The following ZNF518A variants were observed in gnomAD, a reference collection of about 807,000 sequenced individuals.
ZNF518A encodes the protein zinc finger protein 518A.
ZNF518A carries 47 observed loss-of-function variants against 102.7 expected under a neutral mutation model. The observed-to-expected ratio is 0.46, with a 90% CI of 0.36 to 0.58. The LOEUF is 0.58. Among genes scored for constraint, ZNF518A ranks in the 20% least tolerant of loss-of-function variants. The pLI, the probability that ZNF518A is intolerant of heterozygous loss-of-function variation, is 0.00. For synonymous variants in ZNF518A, 652 were observed against 594.6 expected (o/e 1.10, Z -1.40); for missense variants, 1,793 against 1,699.8 (o/e 1.05, Z -0.96).
chr10:96,204,947 C>G (rs2083756640), downstream of ZNF518A: 1 of 349,308 alleles, frequency 2.9e-6, no homozygotes, highest in South Asian at 2.3e-5. Context: ...ACATTTTAGC[C>G]ACCCTCTAAA....
Position 96,160,290 on chromosome 10 carries a change from C to G in ZNF518A, c.3968C>G (p.Ser1323Cys). The change falls in exon 6 of 6, where the codon TCC becomes TGC. Residue 1323 changes from serine (S) to cysteine (C), a missense_variant. This residue lies in a region of ZNF518A where 1,741 missense variants were observed against 1,622.6 expected (regional missense o/e 1.07). Transcript: ENST00000316045. ...AGCAGACCTAGGCTTTCAAAAGATTCCATCAGAACTTTGCGGCTTTTCCCT... is the reference window on the plus strand; with the variant it reads ...AGCAGACCTAGGCTTTCAAAAGATTGCATCAGAACTTTGCGGCTTTTCCCT... ...GFSRPRLSKD[S>C]IRTLRLFPFS... The G allele has an allele frequency of 6.2e-7, 1 of 1,613,610 alleles. No homozygotes were observed. The highest frequency in any genetic ancestry group is 8.5e-7 in the Non-Finnish European group (1 of 1,179,682).
Position 96,162,684 on chromosome 10 carries a change from G to A in ZNF518A, c.*1910G>A, listed in dbSNP as rs2083044577. ...TGGTGTTTAAAGAATGGTAAGCATTGTTAATTTCTGTAATGAACATTTTCA... is the reference window on the plus strand; with the variant it reads ...TGGTGTTTAAAGAATGGTAAGCATTATTAATTTCTGTAATGAACATTTTCA... On this transcript the variant is annotated 3_prime_UTR_variant, in exon 6 of 6. Coordinates refer to ENST00000316045, the MANE Select transcript of ZNF518A (RefSeq NM_001330736.2). The A allele has an allele frequency of 6.0e-6, 1 of 165,850 alleles. No homozygotes were observed. Among genetic ancestry groups the A allele is most frequent in the South Asian group, 2.1e-4 (1 of 4,832 alleles). The allele number at this position is 165,850 out of a possible 1,614,324, so 10.3% of individuals were successfully genotyped here. A position where few individuals can be genotyped will look rare whatever the true frequency, so the allele number is the denominator to read the frequency against.
chr10:96,152,636 C>A (rs2082505302), intron 3 of ZNF518A, among the ~76,000 whole-genome samples: 1 of 152,168 alleles, frequency 6.6e-6, no homozygotes, highest in Non-Finnish European at 1.5e-5. Context: ...GTGTGAACAT[C>A]AGAGTGTACT....
At position 96,159,607 on chromosome 10, in the gene ZNF518A, T is replaced by A; in HGVS notation, c.3285T>A (p.Tyr1095Ter). 6.2e-7 allele frequency: 1 copy of A among 1,613,908 alleles called. No individual in the cohort carries two copies. Among genetic ancestry groups the A allele is most frequent in the Non-Finnish European group, 8.5e-7 (1 of 1,179,800 alleles). ...AGATTTTTCCAAAACCACCTCTTTA[T>A]ACCTTCTTGCCTGATGGCAAACAAG... is the stretch of plus-strand genomic sequence containing the variant. ...QNEIFPKPPL[Y>*]TFLPDGKQAV... Residue 1095 changes from tyrosine to a stop codon, truncating the protein, a stop_gained, in exon 6 of 6, where the codon TAT (tyrosine) becomes TAA (stop). Coordinates refer to ENST00000316045, the MANE Select transcript of ZNF518A (RefSeq NM_001330736.2). LOFTEE classifies it high-confidence loss of function.
chr10:96,146,909 G>A (rs1381713188), intron 3 of ZNF518A, among the ~76,000 whole-genome samples: 1 of 152,206 alleles, frequency 6.6e-6, no homozygotes, highest in Non-Finnish European at 1.5e-5. Flanking sequence ...CCCAGGAGAA[G>A]TTAAGGTAAC....
intron 1 of ZNF518A, among the ~76,000 whole-genome samples, chr10:96,180,148 G>T: frequency 6.8e-6 from 1 of 147,938 alleles, no homozygotes. Flanking sequence ...CCAAAATGCT[G>T]GGGTTACAGG....
rs1392296081 is a variant in ZNF518A at position 96,162,473 on chromosome 10, TAAAG to T, written c.*1704_*1707del. 1 of 166,984 alleles carries T rather than the reference TAAAG, an allele frequency of 6.0e-6. No individual in the cohort carries two copies. Among genetic ancestry groups the T allele is most frequent in the Non-Finnish European group, 1.5e-5 (1 of 68,040 alleles). 10.3% of individuals were successfully genotyped at this position (166,984 alleles called of 1,614,324 possible). The stretch of plus-strand genomic sequence containing the variant: ...CCCATTCCCCTAATAGTTTTATTTT[TAAAG>T]AAAGCCATACATAGAATGCTTCAAG... On this transcript the variant is annotated 3_prime_UTR_variant, in exon 6 of 6. Coordinates refer to ENST00000316045, the MANE Select transcript of ZNF518A (RefSeq NM_001330736.2).
chr10:96,176,904 A>G (rs2083207939), intron 1 of ZNF518A, among the ~76,000 whole-genome samples: 1 of 152,024 alleles, frequency 6.6e-6, no homozygotes, highest in African/African-American at 2.4e-5. Flanking sequence ...CTCAAAACAA[A>G]CAAACAAAAA....
chr10:96,195,843 C>T (rs1349846402), intron 1 of ZNF518A, among the ~76,000 whole-genome samples: 2 of 152,212 alleles, frequency 1.3e-5, no homozygotes, highest in Non-Finnish European at 2.9e-5. Flanking sequence ...AAAGAATACA[C>T]ATGACTTTTT....
chr10:96,141,394 A>C (rs1195054871), intron 3 of ZNF518A, among the ~76,000 whole-genome samples: 1 of 152,198 alleles, frequency 6.6e-6, no homozygotes, highest in Non-Finnish European at 1.5e-5. Flanking sequence ...ATAGTGTTGA[A>C]TTTAGATAGA....
chr10:96,160,443 T>C lies in ZNF518A; in HGVS notation c.4121T>C (p.Val1374Ala). The change falls in exon 6 of 6, where the codon GTA becomes GCA. Residue 1374 changes from valine to alanine, a missense_variant. Physicochemically the swap from Val to Ala is moderately conservative, Grantham distance 64. Around this residue, in one of 3 missense-constraint regions of ZNF518A, gnomAD observed 1,741 missense variants for 1,622.6 expected, o/e 1.07. Coordinates refer to ENST00000316045, the MANE Select transcript of ZNF518A (RefSeq NM_001330736.2). ...ACTATTGCTAAATTTAATGGACATG[T>C]ACTTAAGGTTTCATTGTCAAAAAGA... ...MKTIAKFNGH[V>A]LKVSLSKRTI... The C allele has an allele frequency of 6.2e-7, 1 of 1,613,494 alleles. No homozygotes were observed. The highest frequency in any genetic ancestry group is 8.5e-7 in the Non-Finnish European group (1 of 1,179,610).
At chr10:96,165,610 C>T (rs1303094968), downstream of ZNF518A, among the ~76,000 whole-genome samples, 2 of 152,154 alleles carry the variant, frequency 1.3e-5, no homozygotes, top group African/African-American at 4.8e-5. Context: ...CCCCTACCCC[C>T]ATTACCCTCT....
chr10:96,183,848 A>G (rs587666509), intron 1 of ZNF518A, among the ~76,000 whole-genome samples: 7 of 152,214 alleles, frequency 4.6e-5, no homozygotes, highest in Non-Finnish European at 7.3e-5. Flanking sequence ...TGCAGAGCTG[A>G]GTTCAAGTCC....
At chr10:96,136,430 A>G (rs1158115154) in intron 3 of ZNF518A, among the ~76,000 whole-genome samples, 1 of 150,260 alleles carries the variant, frequency 6.7e-6, no homozygotes, top group African/African-American at 2.4e-5. Context: ...CCTTTTTGAG[A>G]GATCTCTTAG....
downstream of ZNF518A, among the ~76,000 whole-genome samples, chr10:96,166,001 C>G (rs1405561201): frequency 6.6e-6 from 1 of 152,066 alleles, no homozygotes; most frequent in East Asian, 1.9e-4. Context: ...GATAGAAGGC[C>G]TGAGAACCAA....
exon 3 of ZNF518A, chr10:96,203,983 A>G: frequency 7.6e-7 from 1 of 1,316,478 alleles, no homozygotes; most frequent in Non-Finnish European, 1.1e-6. Context: ...GCTGTGTTAG[A>G]ACCCAGGCCT....
At position 96,159,040 on chromosome 10, in the gene ZNF518A, A is replaced by G. The variant is rs1261368522; in HGVS notation, c.2718A>G (p.Arg906=). The G allele has an allele frequency of 1.9e-6, 3 of 1,613,664 alleles. No homozygotes were observed. In the South Asian group the frequency reaches 3.3e-5, roughly 18 times the overall value. ...ITQQLVKDKL[R]ATTQNLGSFY... ...AGCAGCTTGTAAAAGACAAACTACGAGCCACCACACAAAATTTAGGTTCTT... is the reference window on the plus strand; with the variant it reads ...AGCAGCTTGTAAAAGACAAACTACGGGCCACCACACAAAATTTAGGTTCTT... The change falls in exon 6 of 6, where the codon CGA becomes CGG. Residue 906 remains arginine (R), a synonymous_variant. Coordinates refer to ENST00000316045, the MANE Select transcript of ZNF518A (RefSeq NM_001330736.2).
chr10:96,160,073 T>C lies in ZNF518A; in HGVS notation c.3751T>C (p.Ser1251Pro), dbSNP rs1452704699. The C allele has an allele frequency of 5.6e-6, 9 of 1,608,762 alleles. No homozygotes were observed. The highest frequency in any genetic ancestry group is 2.7e-5 in the African/African-American group (2 of 74,386). The change falls in exon 6 of 6, where the codon TCC (serine) becomes CCC (proline). Residue 1251 changes from serine (S) to proline (P), a missense_variant. Transcript: ENST00000316045. ...GAGGAACTTCAATAGAAAAAAGACT[T>C]CCAAAAAAATTTTTTCAAAAACAAA... ...IERNFNRKKT[S>P]KKIFSKTKTH...
chr10:96,200,528 T>C lies in ZNF518A; in HGVS notation n.36-3046T>C, dbSNP rs1352776283. Among the ~76,000 whole-genome samples, 1 of 152,252 alleles carries C rather than the reference T, an allele frequency of 6.6e-6. No individual in the cohort carries two copies. Among genetic ancestry groups the C allele is most frequent in the Non-Finnish European group, 1.5e-5 (1 of 68,042 alleles). On this transcript the variant is annotated intron_variant and non_coding_transcript_variant, in intron 1 of 2. Transcript: ENST00000442635. The surrounding 1 kb of genome is among the most constrained non-coding windows in gnomAD (Gnocchi z 4.3). The stretch of plus-strand genomic sequence containing the variant: ...TTGCAAGAAAGGATATATGCCTTCT[T>C]TGAAGGCAAGAAGGACACATGCTAT...
Sources: allele counts gnomAD v4.1 joint callset (sites outside exome capture counted in the v4.1 genomes callset), GRCh38; gene constraint gnomAD v4.1.1; regional missense constraint gnomAD v4.1.1; non-coding constraint Gnocchi (gnomAD v3.1); transcripts MANE v1.5; gene names NCBI Gene and HGNC (gene_info 2026-07-23, HGNC 2026-07-21).